Variants in ZBTB40 observed in about 807,000 individuals in gnomAD.
ZBTB40 encodes the protein zinc finger and BTB domain-containing protein 40.
In ZBTB40, 60 loss-of-function variants were observed where a neutral mutation model predicts 117.5. That is an observed-to-expected ratio of 0.51 (90% CI 0.41 to 0.63). The LOEUF is 0.63. Among genes scored for constraint, ZBTB40 ranks in the 30% least tolerant of loss-of-function variants. The pLI, the probability that ZBTB40 is intolerant of heterozygous loss-of-function variation, is 0.00. For missense variants in ZBTB40, 1,287 were observed against 1,498.5 expected, an observed-to-expected ratio of 0.86 and a Z score of 2.33; for synonymous variants, 525 against 577.1, an observed-to-expected ratio of 0.91 and a Z score of 1.29.
intron 1 of ZBTB40, among the ~76,000 whole-genome samples, chr1:22,439,124 C>G (rs1039540677): frequency 6.6e-6 from 1 of 152,210 alleles, no homozygotes; most frequent in Non-Finnish European, 1.5e-5. Flanking sequence ...CCTTGGCCCC[C>G]CAAAGTGTTG....
At chr1:22,521,341 T>C (rs1197633972) in intron 14 of ZBTB40, among the ~76,000 whole-genome samples, 155 bp from the exon 15 acceptor site, 1 of 152,180 alleles carries the variant, frequency 6.6e-6, no homozygotes, top group East Asian at 1.9e-4. Context: ...ACACCAGGCT[T>C]TCCTCACATC....
Position 22,526,437 on chromosome 1 carries a change from G to T in ZBTB40, c.*41G>T, listed in dbSNP as rs1486419291. 1 of 1,611,598 alleles carries T rather than the reference G, an allele frequency of 6.2e-7. No homozygotes were observed. Among genetic ancestry groups the T allele is most frequent in the African/African-American group, 1.3e-5 (1 of 74,900 alleles). On this transcript the variant is annotated 3_prime_UTR_variant, in exon 18 of 18. Coordinates refer to ENST00000375647, the MANE Select transcript of ZBTB40 (RefSeq NM_014870.4). ...GCAGAGCCTTCCTGCGTTTGCAGCA[G>T]AGAGGAGGCCCCACAGCTTGCCCTT... is the stretch of plus-strand genomic sequence containing the variant.
At chr1:22,517,501 AG>A (rs1639404412) in intron 13 of ZBTB40, 37 bp downstream of exon 13, 1 of 1,597,254 alleles carries the variant, frequency 6.3e-7, no homozygotes, top group Non-Finnish European at 8.5e-7. Context: ...CCTCAGTGCC[AG>A]CCTGGCACTG....
chr1:22,478,249 T>C (rs1641596530), intron 1 of ZBTB40, among the ~76,000 whole-genome samples: 1 of 152,130 alleles, frequency 6.6e-6, no homozygotes. Context: ...TAATTTTCTT[T>C]TTTTTTTCTT....
chr1:22,510,099 A>T (rs1639190338), intron 9 of ZBTB40, among the ~76,000 whole-genome samples: 1 of 152,248 alleles, frequency 6.6e-6, no homozygotes, highest in South Asian at 2.1e-4. Context: ...CATCCCAGGA[A>T]TACCAAGTGG....
At chr1:22,429,695 A>G (rs1231690561) in intron 1 of ZBTB40, among the ~76,000 whole-genome samples, 1 of 151,966 alleles carries the variant, frequency 6.6e-6, no homozygotes, top group Non-Finnish European at 1.5e-5. Context: ...TTTTTCCATT[A>G]AGTGTGATGT....
At chr1:22,489,809 T>C in intron 1 of ZBTB40, 71 bp from the exon 2 acceptor site, 2 of 781,258 alleles carry the variant, frequency 2.6e-6, no homozygotes, top group Non-Finnish European at 4.4e-6. Flanking sequence ...TCTGTTCATT[T>C]AGCGTTTCAT....
chr1:22,504,001 CT>C (rs1427546409), intron 5 of ZBTB40, among the ~76,000 whole-genome samples: 10 of 152,232 alleles, frequency 6.6e-5, no homozygotes, highest in African/African-American at 2.4e-4. Flanking sequence ...TCTTCTGTCA[CT>C]TTCAGTTTAC....
In ZBTB40 at chr1:22,520,094, G is replaced by A. The variant is rs1639480650; in HGVS notation, c.2867G>A (p.Arg956Lys). Residue 956 changes from arginine to lysine, a missense_variant, in exon 14 of 18, where the codon AGG becomes AAG. Transcript: ENST00000375647. ...GATCCTTATGACTGCAAGAAGTGCA[G>A]GATGAGTTTCCCCACTCTTCAGGAT... ...IEDPYDCKKC[R>K]MSFPTLQDHR... 8.1e-6 allele frequency: 13 copies of A among 1,614,204 alleles called. No homozygotes were observed. Among genetic ancestry groups the A allele is most frequent in the African/African-American group, 1.3e-5 (1 of 75,056 alleles).
Position 22,524,423 on chromosome 1 carries a change from C to T in ZBTB40, c.3504C>T (p.Ala1168=), listed in dbSNP as rs139786086. 41 of 1,613,832 alleles carry T rather than the reference C, an allele frequency of 2.5e-5. No homozygotes were observed. Among genetic ancestry groups the T allele is most frequent in the South Asian group, 2.2e-4 (20 of 91,080 alleles). Residue 1168 remains alanine (A), a synonymous_variant, in exon 17 of 18, where the codon GCC becomes GCT. Coordinates refer to ENST00000375647, the MANE Select transcript of ZBTB40 (RefSeq NM_014870.4). ...AGGTGATGAGCACGGAAACCCAGGC[C>T]GCAGCCTCACAGATGGCGCAGGTGA... The part of the protein sequence containing the change: ...HPKVMSTETQ[A]AASQMAQVIQ...
chr1:22,496,937 T>C (rs1331423127), intron 3 of ZBTB40, among the ~76,000 whole-genome samples: 1 of 152,134 alleles, frequency 6.6e-6, no homozygotes, highest in East Asian at 1.9e-4. Flanking sequence ...ACCTCAAAAG[T>C]AGGGAAACCG....
chr1:22,530,622 T>C lies in ZBTB40; in HGVS notation c.*4226T>C, dbSNP rs1639804711. 6.6e-6 allele frequency: 1 copy of C among 152,344 alleles called. No homozygotes were observed. The highest frequency in any genetic ancestry group is 1.5e-5 in the Non-Finnish European group (1 of 68,038). The allele number at this position is 152,344 out of a possible 1,614,324, so 9.4% of individuals were successfully genotyped here. A position where few individuals can be genotyped will look rare whatever the true frequency, so the allele number is the denominator to read the frequency against. ...CAGCCACTACGTGATGCTGTATAAA[T>C]TGGATTACAAACCATATTCTTGTTC... On this transcript the variant is annotated 3_prime_UTR_variant, in exon 18 of 18. Coordinates refer to ENST00000375647, the MANE Select transcript of ZBTB40 (RefSeq NM_014870.4).
chr1:22,483,053 C>T (rs1266996), intron 1 of ZBTB40, among the ~76,000 whole-genome samples: 19 of 146,668 alleles, frequency 1.3e-4, no homozygotes, highest in South Asian at 2.1e-4. Flanking sequence ...CACTCCAGCC[C>T]GGGCGACAGA....
At chr1:22,453,375 C>T (rs183434585) in intron 1 of ZBTB40, among the ~76,000 whole-genome samples, 1 of 152,306 alleles carries the variant, frequency 6.6e-6, no homozygotes, top group East Asian at 1.9e-4. Flanking sequence ...TTGTTGAGCA[C>T]TTACTGTGTA....
At chr1:22,476,403 A>G (rs539638843) in intron 1 of ZBTB40, among the ~76,000 whole-genome samples, 30 of 152,034 alleles carry the variant, frequency 2.0e-4, no homozygotes, top group African/African-American at 7.0e-4. Flanking sequence ...TGTGTTCTTT[A>G]GAGATGGGGT....
Position 22,490,599 on chromosome 1 carries a change from T to A in ZBTB40, c.651T>A (p.Pro217=). 1 of 1,613,950 alleles carries A rather than the reference T, an allele frequency of 6.2e-7. No homozygotes were observed. Among genetic ancestry groups the A allele is most frequent in the South Asian group, 1.1e-5 (1 of 91,086 alleles). ...PTTAEACSPS[P]AVQTFSEAKK... is the part of the protein sequence containing the mutation. ...CAGCTGAAGCTTGTTCCCCCTCCCC[T>A]GCTGTGCAAACCTTTAGTGAGGCAA... The change falls in exon 2 of 18, where the codon CCT becomes CCA. Residue 217 remains proline, a synonymous_variant. Coordinates refer to ENST00000375647, the MANE Select transcript of ZBTB40 (RefSeq NM_014870.4).
chr1:22,513,140 G>T lies in ZBTB40; in HGVS notation c.2668+10G>T, dbSNP rs1212770775. ...AAGAAGCACTCAGAAGGTAAGGCGG[G>T]GCACAGTTCATTTCTCCTGCAGACT... On this transcript the variant is annotated intron_variant, in intron 12 of 17. Coordinates refer to ENST00000375647, the MANE Select transcript of ZBTB40 (RefSeq NM_014870.4). The surrounding 1 kb of genome is among the most constrained non-coding windows in gnomAD (Gnocchi z 4.9). 1.2e-6 allele frequency: 2 copies of T among 1,612,566 alleles called. No individual in the cohort carries two copies. The highest frequency in any genetic ancestry group is 1.7e-6 in the Non-Finnish European group (2 of 1,179,402).
chr1:22,448,627 C>G (rs1308490887), upstream of ZBTB40, among the ~76,000 whole-genome samples: 1 of 152,092 alleles, frequency 6.6e-6, no homozygotes, highest in African/African-American at 2.4e-5. Flanking sequence ...TATTTACGCC[C>G]TCTAAGTCTG....
chr1:22,465,764 T>C (rs1569784897), intron 1 of ZBTB40, among the ~76,000 whole-genome samples: 1 of 151,456 alleles, frequency 6.6e-6, no homozygotes, highest in South Asian at 2.1e-4. Context: ...GTTTGGGGGG[T>C]TTCAGCTGCC....
Sources: allele counts gnomAD v4.1 joint callset (sites outside exome capture counted in the v4.1 genomes callset), GRCh38; gene constraint gnomAD v4.1.1; non-coding constraint Gnocchi (gnomAD v3.1); transcripts MANE v1.5; gene names NCBI Gene and HGNC (gene_info 2026-07-23, HGNC 2026-07-21).